Variants in AGAP1 observed in about 807,000 individuals in gnomAD.
AGAP1 encodes ArfGAP with GTPase domain, ankyrin repeat and PH domain 1, also known as arf-GAP with GTPase, ANK repeat and PH domain-containing protein 1.
Under a neutral mutation model 105.3 loss-of-function variants are expected in AGAP1, and 29 were observed. The ratio of observed to expected loss-of-function variants is 0.28; its 90% CI spans 0.21 to 0.38. AGAP1 has a LOEUF of 0.38. Among genes scored for constraint, AGAP1 ranks in the 10% least tolerant of loss-of-function variants. The probability of loss-of-function intolerance (pLI) is 1.00; values close to 1 mark genes in which losing one functional copy is unlikely to be tolerated. For missense variants in AGAP1, 998 were observed against 1,165.1 expected, an observed-to-expected ratio of 0.86 and a Z score of 2.09; for synonymous variants, 509 against 485.9, an observed-to-expected ratio of 1.05 and a Z score of -0.63.
At position 235,930,673 on chromosome 2, in the gene AGAP1, A is replaced by G. The variant is rs2052678299; in HGVS notation, c.1325-92A>G. On this transcript the variant is annotated intron_variant, in intron 11 of 17. Coordinates refer to ENST00000304032, the MANE Select transcript of AGAP1 (RefSeq NM_001037131.3). The surrounding 1 kb of genome is among the most constrained non-coding windows in gnomAD (Gnocchi z 7.9). ...GCTGCTCTCGGTGGTAAGGTGCACT[A>G]TGTGCCAGCGTGTGGGTCCCATAGA... 4 of 1,310,970 alleles carry G rather than the reference A, an allele frequency of 3.1e-6. No individual in the cohort carries two copies. The highest frequency in any genetic ancestry group is 5.0e-5 in the East Asian group (2 of 40,224). 81.2% of individuals were successfully genotyped at this position (1,310,970 alleles called of 1,614,324 possible).
intron 1 of AGAP1, among the ~76,000 whole-genome samples, chr2:235,502,006 ACAAG>A: frequency 6.6e-6 from 1 of 152,266 alleles, no homozygotes; most frequent in Non-Finnish European, 1.5e-5. Flanking sequence ...ATTCAGGGGT[ACAAG>A]TGCTTTGTGT....
chr2:235,803,874 A>G (rs996339275), intron 8 of AGAP1, among the ~76,000 whole-genome samples: 7 of 152,226 alleles, frequency 4.6e-5, no homozygotes, highest in Non-Finnish European at 1.0e-4. Flanking sequence ...CTTTGGAAAA[A>G]AAACAAACAT....
intron 16 of AGAP1, among the ~76,000 whole-genome samples, chr2:236,100,579 C>T (rs1341655508): frequency 3.9e-5 from 6 of 152,130 alleles, no homozygotes; most frequent in Admixed American, 3.3e-4. Context: ...AATCCCAGCA[C>T]TTTGGGTGGC....
At chr2:235,899,802 A>T (rs1403240958) in intron 10 of AGAP1, among the ~76,000 whole-genome samples, 3 of 100,982 alleles carry the variant, frequency 3.0e-5, no homozygotes, top group Non-Finnish European at 7.6e-5. Context: ...CGAGGCATGC[A>T]TCGTACAGGC....
At chr2:235,911,724 C>A (rs1395314263) in intron 11 of AGAP1, among the ~76,000 whole-genome samples, 1 of 152,196 alleles carries the variant, frequency 6.6e-6, no homozygotes, top group East Asian at 1.9e-4. Flanking sequence ...TCTTTAAGAG[C>A]CCCTGTTGGG....
intron 1 of AGAP1, among the ~76,000 whole-genome samples, chr2:235,638,352 C>G (rs1186834961): frequency 6.6e-6 from 1 of 152,170 alleles, no homozygotes; most frequent in Non-Finnish European, 1.5e-5. Flanking sequence ...CTGGAGACTC[C>G]AGGCCTATGT....
At chr2:235,727,350 G>T (rs1160118678) in intron 3 of AGAP1, among the ~76,000 whole-genome samples, 1 of 151,974 alleles carries the variant, frequency 6.6e-6, no homozygotes, top group Non-Finnish European at 1.5e-5. Context: ...CTGGGGGGAG[G>T]GGGTGTTGTG....
At chr2:235,840,125 G>A (rs1282995702) in intron 9 of AGAP1, among the ~76,000 whole-genome samples, 2 of 152,194 alleles carry the variant, frequency 1.3e-5, no homozygotes, top group Admixed American at 6.5e-5. Flanking sequence ...TTCCCCTCCT[G>A]GCCTTACAGT....
rs781594280 is a variant in AGAP1, at chr2:235,900,627, A to G, written c.1156-8111A>G. On this transcript the variant is annotated intron_variant, in intron 10 of 17. Coordinates refer to ENST00000304032, the MANE Select transcript of AGAP1 (RefSeq NM_001037131.3). The surrounding 1 kb of genome is among the most constrained non-coding windows in gnomAD (Gnocchi z 5.5). ...ACAGCCTTCTGGAGAACTTTGCCTCAGCCCTGCAAAGTATTGTCACCTAGT... is the reference window on the plus strand; with the variant it reads ...ACAGCCTTCTGGAGAACTTTGCCTCGGCCCTGCAAAGTATTGTCACCTAGT... Among the ~76,000 whole-genome samples the G allele has an allele frequency of 9.9e-5, 15 of 152,224 alleles. No homozygotes were observed. Among genetic ancestry groups the G allele is most frequent in the Non-Finnish European group, 2.2e-4 (15 of 68,042 alleles).
rs923167537 is a variant in AGAP1 at position 235,800,518 on chromosome 2, A to G, written c.957+996A>G. On this transcript the variant is annotated intron_variant, in intron 8 of 17. Coordinates refer to ENST00000304032, the MANE Select transcript of AGAP1 (RefSeq NM_001037131.3). ...TCCCTGTGCATAGCAGACATTACCAATCAATCTGGATTCTACACAGTTGAG... is the reference window on the plus strand; with the variant it reads ...TCCCTGTGCATAGCAGACATTACCAGTCAATCTGGATTCTACACAGTTGAG... Among the ~76,000 whole-genome samples the G allele has an allele frequency of 3.9e-5, 6 of 152,090 alleles. 1 individual carries two copies. Among genetic ancestry groups the G allele is most frequent in the African/African-American group, 1.4e-4 (6 of 41,406 alleles).
chr2:236,069,382 C>T (rs1232521515), intron 16 of AGAP1, among the ~76,000 whole-genome samples: 1 of 151,996 alleles, frequency 6.6e-6, no homozygotes, highest in Non-Finnish European at 1.5e-5. Flanking sequence ...TAAGTATATG[C>T]ATTATTTATA....
At chr2:235,509,251 G>A (rs746218889) in intron 1 of AGAP1, among the ~76,000 whole-genome samples, 1 of 152,100 alleles carries the variant, frequency 6.6e-6, no homozygotes, top group African/African-American at 2.4e-5. Flanking sequence ...ACTTGAGATG[G>A]AGTCTGGCTC....
At chr2:236,097,640 A>T (rs1576297563) in intron 16 of AGAP1, among the ~76,000 whole-genome samples, 1 of 151,938 alleles carries the variant, frequency 6.6e-6, no homozygotes, top group African/African-American at 2.4e-5. Flanking sequence ...CACGCCTGTA[A>T]TGCTGGCACT....
At chr2:235,580,404 A>G (rs1944890797) in intron 1 of AGAP1, among the ~76,000 whole-genome samples, 1 of 148,258 alleles carries the variant, frequency 6.7e-6, no homozygotes, top group Admixed American at 6.7e-5. Context: ...ATTTTCTTGC[A>G]TCTCCTTCAC....
chr2:235,902,418 T>C (rs2051108336), intron 10 of AGAP1, among the ~76,000 whole-genome samples: 1 of 152,238 alleles, frequency 6.6e-6, no homozygotes, highest in African/African-American at 2.4e-5. Flanking sequence ...ACGTGTGTTT[T>C]ATCCATGCAG....
rs1338637121 is a variant in AGAP1, at chr2:235,635,109, C to T, written c.164-74070C>T. Among the ~76,000 whole-genome samples, 1 of 152,158 alleles carries T rather than the reference C, an allele frequency of 6.6e-6. No individual in the cohort carries two copies. The highest frequency in any genetic ancestry group is 6.5e-5 in the Admixed American group (1 of 15,268). ...AGTTGGGAATCTCCTGCCTCAGGAC[C>T]TGGTGGTCTAGAGGTACTGTGGTAT... On this transcript the variant is annotated intron_variant, in intron 1 of 17. Coordinates refer to ENST00000304032, the MANE Select transcript of AGAP1 (RefSeq NM_001037131.3). The surrounding 1 kb of genome is among the most constrained non-coding windows in gnomAD (Gnocchi z 5.3).
intron 1 of AGAP1, among the ~76,000 whole-genome samples, chr2:235,666,927 C>T (rs540224318): frequency 4.6e-5 from 7 of 152,110 alleles, no homozygotes; most frequent in Non-Finnish European, 7.4e-5. Context: ...CCCTCCCACA[C>T]CTGGCTAAGT....
chr2:235,543,462 C>A (rs201604218), intron 1 of AGAP1, among the ~76,000 whole-genome samples: 4 of 152,120 alleles, frequency 2.6e-5, no homozygotes, highest in African/African-American at 9.7e-5. Context: ...AACCAGGGGA[C>A]GAAGGACATG....
At chr2:235,832,208 A>G (rs543028230) in intron 9 of AGAP1, among the ~76,000 whole-genome samples, 4 of 152,200 alleles carry the variant, frequency 2.6e-5, no homozygotes, top group African/African-American at 9.6e-5. Context: ...TTTGGATAAT[A>G]TTCCTTTTCA....
Sources: gnomAD v4.1 joint callset for allele counts (sites outside exome capture counted in the v4.1 genomes callset) on GRCh38, gnomAD v4.1.1 for gene constraint, Gnocchi (gnomAD v3.1) non-coding constraint, MANE v1.5 for transcripts, NCBI Gene and HGNC (gene_info 2026-07-23, HGNC 2026-07-21) for gene names.